The following IFI44 variants were observed in gnomAD, a reference collection of about 807,000 sequenced individuals.
The protein encoded by IFI44 is interferon induced protein 44, also known as interferon-induced protein 44.
Under a neutral mutation model 45.0 loss-of-function variants are expected in IFI44, and 42 were observed. That is an observed-to-expected ratio of 0.93 (90% CI 0.73 to 1.21). The LOEUF is 1.21. IFI44 is among the 50% of genes most tolerant of loss of function. The pLI is 0.00. For synonymous variants in IFI44, 221 were observed against 188.6 expected, an observed-to-expected ratio of 1.17 and a Z score of -1.41; for missense variants, 623 against 525.8, an observed-to-expected ratio of 1.18 and a Z score of -1.81.
At chr1:78,661,631 G>T (rs1647463896) in intron 7 of IFI44, among the ~76,000 whole-genome samples, 1 of 152,106 alleles carries the variant, frequency 6.6e-6, no homozygotes, top group African/African-American at 2.4e-5. Flanking sequence ...GGGGATGGGA[G>T]TGTGGGATAA....
intron 7 of IFI44, among the ~76,000 whole-genome samples, chr1:78,662,314 A>G (rs1389081760): frequency 1.3e-5 from 2 of 152,230 alleles, no homozygotes; most frequent in African/African-American, 2.4e-5. Flanking sequence ...GCAGTGACAG[A>G]TAAATATTTC....
Position 78,655,548 on chromosome 1 carries a change from T to A in IFI44, c.840+37T>A, listed in dbSNP as rs1386152141. ...CTAATGAGAAATTATAACTGATTTT[T>A]AAAATGCTTATTTTTGTACAAATGT... is the stretch of plus-strand genomic sequence containing the variant. On this transcript the variant is annotated intron_variant, in intron 5 of 8. Coordinates refer to ENST00000370747, the MANE Select transcript of IFI44 (RefSeq NM_006417.5). The A allele has an allele frequency of 1.9e-6, 3 of 1,539,980 alleles. No individual in the cohort carries two copies. The Admixed American group carries it at 5.5e-5, about 28-fold the overall frequency.
intron 7 of IFI44, among the ~76,000 whole-genome samples, chr1:78,661,670 T>C (rs1647466062): frequency 6.6e-6 from 1 of 151,988 alleles, no homozygotes; most frequent in Non-Finnish European, 1.5e-5. Context: ...TTATGTACGA[T>C]TGAGTGTGAT....
rs536981416 is a variant in IFI44 at position 78,657,378 on chromosome 1, C to T, written c.840+1867C>T. Among the ~76,000 whole-genome samples, 34 of 152,068 alleles carry T rather than the reference C, an allele frequency of 2.2e-4. No individual in the cohort carries two copies. In the South Asian group the frequency reaches 3.3e-3, roughly 15 times the overall value. On this transcript the variant is annotated intron_variant, in intron 5 of 8. Coordinates refer to ENST00000370747, the MANE Select transcript of IFI44 (RefSeq NM_006417.5). ...TCTGAACTCCATTATTTGCATCCCTCGGGGTAGTTTTACATGGTCCTCTGT... is the reference window on the plus strand; with the variant it reads ...TCTGAACTCCATTATTTGCATCCCTTGGGGTAGTTTTACATGGTCCTCTGT...
In IFI44 at chr1:78,662,872, C is replaced by G; in HGVS notation, c.1282C>G (p.Gln428Glu). ...DDFLEDLPFE[Q>E]IGNLREEIIN... is the part of the protein sequence containing the mutation. ...CTTCTTAGAGGATTTGCCTTTTGAG[C>G]AAATAGGTAGATGGTTTGGTGGTGT... The change falls in exon 8 of 9, where the codon CAA (glutamine) becomes GAA (glutamate). Residue 428 changes from glutamine to glutamate, a missense_variant. Gln to Glu is a conservative substitution (Grantham distance 29). Transcript: ENST00000370747. The G allele has an allele frequency of 6.3e-7, 1 of 1,585,942 alleles. No individual in the cohort carries two copies. The highest frequency in any genetic ancestry group is 1.1e-5 in the South Asian group (1 of 90,048).
In IFI44 at chr1:78,659,351, T is replaced by G. The variant is rs767553760; in HGVS notation, c.880T>G (p.Tyr294Asp). 3.1e-6 allele frequency: 5 copies of G among 1,613,414 alleles called. No homozygotes were observed. The South Asian group carries it at 5.5e-5, about 18-fold the overall frequency. ...ATCAATCAAATTAAATCATCATGAC[T>G]ACATTGATTCCCCATCGCTGAAGGA... ...MESIKLNHHD[Y>D]IDSPSLKDRI... Residue 294 changes from tyrosine (Y) to aspartate (D), a missense_variant, in exon 6 of 9, where the codon TAC becomes GAC. By Grantham distance (160) the Tyr-to-Asp change is radical (BLOSUM62 -3). Coordinates refer to ENST00000370747, the MANE Select transcript of IFI44 (RefSeq NM_006417.5).
At chr1:78,662,518 T>A in intron 7 of IFI44, 186 bp from the exon 8 acceptor site, 1 of 563,326 alleles carries the variant, frequency 1.8e-6, no homozygotes. Flanking sequence ...AAATTACAAT[T>A]ATCAGTGACA....
chr1:78,662,564 T>C (rs72935645), intron 7 of IFI44, 140 bp from the exon 8 acceptor site: 59,260 of 643,618 alleles, frequency 0.092, 3,140 homozygotes, highest in East Asian at 0.14. Context: ...CAAGAGTACT[T>C]TGTGAGACCA....
At position 78,650,434 on chromosome 1, in the gene IFI44, T is replaced by A. The variant is rs1181875896; in HGVS notation, c.239T>A (p.Phe80Tyr). 1 of 1,613,830 alleles carries A rather than the reference T, an allele frequency of 6.2e-7. No homozygotes were observed. Among genetic ancestry groups the A allele is most frequent in the Non-Finnish European group, 8.5e-7 (1 of 1,179,832 alleles). ...QEGKYASIIL[F>Y]ALQDTKISEW... is the part of the protein sequence containing the mutation. Reference sequence around the variant, plus strand: ...GGAAAGTATGCTTCCATCATCCTTTTTGCACTTCAAGATACTAAAATTTCA... The same window carrying A: ...GGAAAGTATGCTTCCATCATCCTTTATGCACTTCAAGATACTAAAATTTCA... Residue 80 changes from phenylalanine (F) to tyrosine (Y), a missense_variant, in exon 2 of 9, where the codon TTT (phenylalanine) becomes TAT (tyrosine). Phe to Tyr is a conservative substitution (Grantham distance 22). Coordinates refer to ENST00000370747, the MANE Select transcript of IFI44 (RefSeq NM_006417.5).
intron 1 of IFI44, 44 bp from the exon 2 acceptor site, chr1:78,650,142 T>A (rs780483817): frequency 3.8e-5 from 51 of 1,354,574 alleles, no homozygotes; most frequent in Non-Finnish European, 5.0e-5. Context: ...ACATATTATC[T>A]GTTTTTTAAT....
At chr1:78,652,199 A>G (rs1647135512) in intron 2 of IFI44, among the ~76,000 whole-genome samples, 1 of 152,066 alleles carries the variant, frequency 6.6e-6, no homozygotes, top group African/African-American at 2.4e-5. Flanking sequence ...CTCCTGCCTC[A>G]GCCTCCCGAG....
rs1217745424 is a variant in IFI44, at chr1:78,660,619, A to G, written c.1078A>G (p.Ile360Val). ...SMDLITKGDL[I>V]EIERCEPVRS... ...GGATTTGATTACAAAAGGTGACCTT[A>G]TAGAAATAGAGAGATGTGAGCCTGT... is the stretch of plus-strand genomic sequence containing the variant. The change falls in exon 7 of 9, where the codon ATA becomes GTA. Residue 360 changes from isoleucine (I) to valine (V), a missense_variant. Coordinates refer to ENST00000370747, the MANE Select transcript of IFI44 (RefSeq NM_006417.5). 10 of 1,613,554 alleles carry G rather than the reference A, an allele frequency of 6.2e-6. No homozygotes were observed. The highest frequency in any genetic ancestry group is 8.5e-6 in the Non-Finnish European group (10 of 1,179,666).
intron 7 of IFI44, 179 bp from the exon 8 acceptor site, chr1:78,662,525 G>A (rs1416420111): frequency 1.4e-5 from 8 of 565,338 alleles, no homozygotes; most frequent in Non-Finnish European, 2.5e-5. Flanking sequence ...AATTATCAGT[G>A]ACATTAGAAC....
At chr1:78,658,369 A>G (rs1647278494) in intron 5 of IFI44, among the ~76,000 whole-genome samples, 1 of 152,270 alleles carries the variant, frequency 6.6e-6, no homozygotes, top group East Asian at 1.9e-4. Context: ...AACTGGAAAC[A>G]ATTAAAACAT....
chr1:78,662,951 T>C (rs779664609), intron 8 of IFI44, 73 bp downstream of exon 8: 3 of 1,610,654 alleles, frequency 1.9e-6, no homozygotes, highest in East Asian at 2.2e-5. Flanking sequence ...ATCTATTAAA[T>C]ACCTGGCAGC....
Position 78,655,494 on chromosome 1 carries a change from A to G in IFI44, c.823A>G (p.Ile275Val), listed in dbSNP as rs1289047556. 1.2e-6 allele frequency: 2 copies of G among 1,608,834 alleles called. No homozygotes were observed. Among genetic ancestry groups the G allele is most frequent in the Non-Finnish European group, 1.7e-6 (2 of 1,178,480 alleles). Residue 275 changes from isoleucine (I) to valine (V), a missense_variant, in exon 5 of 9, where the codon ATT (isoleucine) becomes GTT (valine). By Grantham distance (29) the Ile-to-Val change is conservative. Coordinates refer to ENST00000370747, the MANE Select transcript of IFI44 (RefSeq NM_006417.5). ...CATATTCTATATCTTGAACGGTAAC[A>G]TTCGTGATAGATACCAGGTAATATT... is the stretch of plus-strand genomic sequence containing the variant. The part of the protein sequence containing the change: ...DDIFYILNGN[I>V]RDRYQFNPME...
In IFI44 at chr1:78,664,059, C is replaced by T; in HGVS notation, c.*248C>T. On this transcript the variant is annotated 3_prime_UTR_variant, in exon 9 of 9. Transcript: ENST00000370747. ...TCTGTATCTGTGAAAAAATAAATTTCTTATAAAACTCGGGTCTAACTTGAG... is the reference window on the plus strand; with the variant it reads ...TCTGTATCTGTGAAAAAATAAATTTTTTATAAAACTCGGGTCTAACTTGAG... The T allele has an allele frequency of 3.2e-6, 1 of 313,082 alleles. No homozygotes were observed. The highest frequency in any genetic ancestry group is 5.5e-5 in the East Asian group (1 of 18,310). The allele number at this position is 313,082 out of a possible 1,614,324, so 19.4% of individuals were successfully genotyped here. A position where few individuals can be genotyped will look rare whatever the true frequency, so the allele number is the denominator to read the frequency against.
rs767670743 is a variant in IFI44, at chr1:78,663,758, T to G, written c.1289-7T>G. 5 of 1,611,742 alleles carry G rather than the reference T, an allele frequency of 3.1e-6. No homozygotes were observed. The highest frequency in any genetic ancestry group is 3.4e-6 in the Non-Finnish European group (4 of 1,179,236). On this transcript the variant is annotated splice_polypyrimidine_tract_variant and splice_region_variant and intron_variant, in intron 8 of 8. Coordinates refer to ENST00000370747, the MANE Select transcript of IFI44 (RefSeq NM_006417.5). The stretch of plus-strand genomic sequence containing the variant: ...CCACTAAGAATATTTTGTGTTTCTT[T>G]TCTCAGGGAATCTAAGGGAGGAAAT...
intron 3 of IFI44, among the ~76,000 whole-genome samples, chr1:78,654,553 A>G (rs926169286): frequency 6.6e-6 from 1 of 152,034 alleles, no homozygotes; most frequent in African/African-American, 2.4e-5. Context: ...TGCAGTTAAT[A>G]TTTCAACTAC....
Sources: gnomAD v4.1 joint callset for allele counts (sites outside exome capture counted in the v4.1 genomes callset) on GRCh38, gnomAD v4.1.1 for gene constraint, MANE v1.5 for transcripts, NCBI Gene and HGNC (gene_info 2026-07-23, HGNC 2026-07-21) for gene names.